Variants in TFEC observed in about 807,000 individuals in gnomAD.
TFEC encodes the protein class E basic helix-loop-helix protein 34.
In TFEC, 31 loss-of-function variants were observed where a neutral mutation model predicts 41.6. The observed-to-expected ratio is 0.74, with a 90% CI of 0.56 to 1.01. The LOEUF (loss-of-function observed/expected upper bound fraction) is 1.01, where lower values mean the gene tolerates loss of function less well. Ranked by LOEUF, TFEC falls within the 50% of genes least tolerant of loss-of-function variation. The probability of loss-of-function intolerance (pLI) is 0.00; values close to 1 mark genes in which losing one functional copy is unlikely to be tolerated. For synonymous variants in TFEC, 143 were observed against 140.6 expected (o/e 1.02, Z -0.12); for missense variants, 402 against 404.1 (o/e 0.99, Z 0.04).
At chr7:116,057,866 G>C (rs1023777845) in intron 3 of TFEC, among the ~76,000 whole-genome samples, 1 of 151,662 alleles carries the variant, frequency 6.6e-6, no homozygotes, top group Non-Finnish European at 1.5e-5. Context: ...CATTGAGATA[G>C]CTAAACAAGG....
chr7:115,953,397 A>G (rs1792051824), intron 5 of TFEC, among the ~76,000 whole-genome samples: 1 of 152,116 alleles, frequency 6.6e-6, no homozygotes, highest in Admixed American at 6.6e-5. Flanking sequence ...TTTAAAACTT[A>G]TAATTTTTTA....
At chr7:115,998,972 A>G (rs191927463) in intron 1 of TFEC, among the ~76,000 whole-genome samples, 1 of 152,042 alleles carries the variant, frequency 6.6e-6, no homozygotes, top group Non-Finnish European at 1.5e-5. Context: ...TCTGAACTAT[A>G]AACCAAATAA....
intron 3 of TFEC, among the ~76,000 whole-genome samples, chr7:116,087,482 C>G (rs2131077161): frequency 6.6e-6 from 1 of 152,142 alleles, no homozygotes; most frequent in Middle Eastern, 3.4e-3. Flanking sequence ...TAGACAACCA[C>G]TGTTTCATAA....
intron 1 of TFEC, among the ~76,000 whole-genome samples, chr7:116,012,742 T>C (rs1165075854): frequency 1.3e-5 from 2 of 151,360 alleles, no homozygotes; most frequent in African/African-American, 4.9e-5. Flanking sequence ...AATGAATTCA[T>C]TGGCTAGAAA....
chr7:116,146,321 A>G (rs1025142819), intron 1 of TFEC, among the ~76,000 whole-genome samples: 9 of 152,208 alleles, frequency 5.9e-5, no homozygotes, highest in Non-Finnish European at 1.2e-4. Context: ...AGTATAACAA[A>G]GAAAACCTAC....
intron 3 of TFEC, among the ~76,000 whole-genome samples, chr7:116,062,571 A>ATATATATATATATATATATATATATG (rs1796591580): frequency 1.6e-5 from 1 of 64,508 alleles, no homozygotes; most frequent in South Asian, 4.1e-4. Context: ...ATATATATAT[A>ATATATATATATATATATATATATATG]TATATATATA....
Position 115,942,045 on chromosome 7 carries a change from A to G in TFEC, c.516-5T>C. Reference sequence around the variant, plus strand: ...CCTTTGTTCCAGCGCATATCACTGTAGAATGGAGAGATAACCTTTTCACAA... The same window carrying G: ...CCTTTGTTCCAGCGCATATCACTGTGGAATGGAGAGATAACCTTTTCACAA... On this transcript the variant is annotated splice_region_variant and splice_polypyrimidine_tract_variant and intron_variant, in intron 6 of 7. Coordinates refer to ENST00000265440, the MANE Select transcript of TFEC (RefSeq NM_012252.4). The G allele has an allele frequency of 6.2e-7, 1 of 1,606,252 alleles. No homozygotes were observed. Among genetic ancestry groups the G allele is most frequent in the Non-Finnish European group, 8.5e-7 (1 of 1,175,940 alleles).
intron 3 of TFEC, among the ~76,000 whole-genome samples, chr7:116,059,446 C>T (rs1388421892): frequency 6.6e-6 from 1 of 151,880 alleles, no homozygotes; most frequent in Admixed American, 6.6e-5. Flanking sequence ...CAATTCCGTA[C>T]TCCTCCAGAA....
chr7:116,022,705 TC>T (rs1795444477), intron 1 of TFEC, among the ~76,000 whole-genome samples: 1 of 152,206 alleles, frequency 6.6e-6, no homozygotes, highest in Non-Finnish European at 1.5e-5. Flanking sequence ...GTATTCGACT[TC>T]TTTTTTACAG....
intron 3 of TFEC, among the ~76,000 whole-genome samples, chr7:116,082,282 AC>A (rs1434359806): frequency 6.6e-6 from 1 of 151,966 alleles, no homozygotes; most frequent in African/African-American, 2.4e-5. Flanking sequence ...TGCCTGCCTC[AC>A]TCCCAAATTC....
intron 3 of TFEC, among the ~76,000 whole-genome samples, chr7:115,964,069 C>T (rs1391400557): frequency 6.6e-6 from 1 of 151,530 alleles, no homozygotes; most frequent in Admixed American, 6.6e-5. Context: ...AAAAGCTACC[C>T]ACATTGGAAA....
chr7:116,087,360 T>G (rs1797224966), intron 3 of TFEC, among the ~76,000 whole-genome samples: 1 of 152,018 alleles, frequency 6.6e-6, no homozygotes, highest in Non-Finnish European at 1.5e-5. Flanking sequence ...TTTAGGCCCT[T>G]CAAAATATAC....
chr7:116,099,016 G>C (rs1797541653), intron 3 of TFEC, among the ~76,000 whole-genome samples: 1 of 152,104 alleles, frequency 6.6e-6, no homozygotes, highest in Non-Finnish European at 1.5e-5. Context: ...TGTATAAAAA[G>C]AGTTCTTACA....
chr7:115,948,883 C>G (rs1200061044), intron 6 of TFEC, among the ~76,000 whole-genome samples: 1 of 150,320 alleles, frequency 6.7e-6, no homozygotes, highest in African/African-American at 2.5e-5. Context: ...AAAGGGTATT[C>G]AATTAGGAAA....
At chr7:115,947,750 C>T (rs1791682909) in intron 6 of TFEC, among the ~76,000 whole-genome samples, 1 of 120,094 alleles carries the variant, frequency 8.3e-6, no homozygotes. Context: ...GTCGTTCACC[C>T]ACTTTTTGAT....
chr7:116,054,890 A>G (rs1796392446), intron 3 of TFEC, among the ~76,000 whole-genome samples: 1 of 152,116 alleles, frequency 6.6e-6, no homozygotes, highest in Non-Finnish European at 1.5e-5. Context: ...CAGAGCAATG[A>G]ATAAGTTTTA....
upstream of TFEC, among the ~76,000 whole-genome samples, chr7:116,035,535 A>G: frequency 6.6e-6 from 1 of 152,146 alleles, no homozygotes; most frequent in Non-Finnish European, 1.5e-5. Flanking sequence ...TCCATTGGGT[A>G]CATTTGTTAA....
rs1309512537 is a variant in TFEC at position 115,968,370 on chromosome 7, A to G, written c.267+5800T>C. 3 of 1,363,166 alleles carry G rather than the reference A, an allele frequency of 2.2e-6. No individual in the cohort carries two copies. In the Admixed American group the frequency reaches 8.7e-5, roughly 40 times the overall value. 84.4% of individuals were successfully genotyped at this position (1,363,166 alleles called of 1,614,324 possible). A position where few individuals can be genotyped will look rare whatever the true frequency, so the allele number is the denominator to read the frequency against. ...TAATCTTGTCTAGATTGTGATTGAC[A>G]AAAGCTTGCTCACTGATGTTATGCA... On this transcript the variant is annotated intron_variant, in intron 3 of 7. Transcript: ENST00000265440.
At chr7:115,974,385 C>A in intron 2 of TFEC, 129 bp from the exon 3 acceptor site, 1 of 157,728 alleles carries the variant, frequency 6.3e-6, no homozygotes, top group Non-Finnish European at 1.2e-5. Context: ...GTTATATATA[C>A]ATATATATAA....
Sources: allele counts gnomAD v4.1 joint callset (sites outside exome capture counted in the v4.1 genomes callset), GRCh38; gene constraint gnomAD v4.1.1; transcripts MANE v1.5; gene names NCBI Gene and HGNC (gene_info 2026-07-23, HGNC 2026-07-21).